Variants in ZFR observed in about 807,000 individuals in gnomAD.
The protein encoded by ZFR is zinc finger RNA-binding protein.
ZFR carries 19 observed loss-of-function variants against 130.7 expected under a neutral mutation model. That is an observed-to-expected ratio of 0.15 (90% CI 0.10 to 0.21). The LOEUF is 0.21. ZFR is among the 10% of genes least tolerant of loss of function. ZFR has a pLI of 1.00. For synonymous variants in ZFR, 466 were observed against 456.9 expected (o/e 1.02, Z -0.25); for missense variants, 872 against 1,321.5 (o/e 0.66, Z 5.27).
chr5:32,443,724 G>A (rs1210084737), intron 2 of ZFR, among the ~76,000 whole-genome samples: 5 of 152,368 alleles, frequency 3.3e-5, no homozygotes, highest in Middle Eastern at 3.4e-3. Flanking sequence ...CGTTATCTGG[G>A]CTCCGGGGGT....
chr5:32,444,391 C>T (rs1412549973), intron 1 of ZFR, 63 bp from the exon 2 acceptor site: 1 of 1,497,060 alleles, frequency 6.7e-7, no homozygotes, highest in South Asian at 1.2e-5. Context: ...AGCCGAGACG[C>T]CGAGGGAGGG....
intron 2 of ZFR, among the ~76,000 whole-genome samples, chr5:32,422,813 A>AAAAAAAAAAAAAAAAAAAAAAAC (rs1753986276): frequency 6.7e-6 from 1 of 149,488 alleles, no homozygotes; most frequent in Non-Finnish European, 1.5e-5. Flanking sequence ...AAAAAAAAAA[A>AAAAAAAAAAAAAAAAAAAAAAAC]AAAAAAAAAG....
chr5:32,369,662 T>A (rs571336871), intron 17 of ZFR, among the ~76,000 whole-genome samples: 14 of 148,976 alleles, frequency 9.4e-5, no homozygotes, highest in African/African-American at 3.2e-4. Context: ...AAAAAAAAAA[T>A]GTAACCAGGC....
chr5:32,388,101 G>A (rs936695384), intron 13 of ZFR, among the ~76,000 whole-genome samples: 2 of 152,170 alleles, frequency 1.3e-5, no homozygotes, highest in Non-Finnish European at 2.9e-5. Flanking sequence ...TTTACAGTCA[G>A]TGCTTTAAGG....
At position 32,419,989 on chromosome 5, in the gene ZFR, G is replaced by T; in HGVS notation, c.252C>A (p.Ala84=). ...HTVTAAYAPA[A]ATVAVARPAP... Reference sequence around the variant, plus strand: ...CAGGCCTGGCAACTGCAACTGTGGCGGCTGCTGGTGCATAGGCAGCAGTAA... The same window carrying T: ...CAGGCCTGGCAACTGCAACTGTGGCTGCTGCTGGTGCATAGGCAGCAGTAA... Residue 84 remains alanine (A), a synonymous_variant, in exon 3 of 20, where the codon GCC becomes GCA. Coordinates refer to ENST00000265069, the MANE Select transcript of ZFR (RefSeq NM_016107.5). 1 of 1,613,878 alleles carries T rather than the reference G, an allele frequency of 6.2e-7. No homozygotes were observed. Among genetic ancestry groups the T allele is most frequent in the Non-Finnish European group, 8.5e-7 (1 of 1,180,014 alleles).
chr5:32,408,833 C>T (rs1753637318), intron 5 of ZFR, among the ~76,000 whole-genome samples: 1 of 152,176 alleles, frequency 6.6e-6, no homozygotes, highest in Non-Finnish European at 1.5e-5. Context: ...GTTTTCTTGT[C>T]TATTATCACA....
intron 9 of ZFR, among the ~76,000 whole-genome samples, 187 bp downstream of exon 9, chr5:32,399,817 AATC>A (rs1393470294): frequency 2.0e-5 from 3 of 152,238 alleles, no homozygotes. Flanking sequence ...GCAAAAAAAA[AATC>A]ATTATGATGT....
At chr5:32,400,228 A>C in intron 8 of ZFR, 25 bp from the exon 9 acceptor site, 1 of 1,518,648 alleles carries the variant, frequency 6.6e-7, no homozygotes, top group Admixed American at 2.2e-5. Flanking sequence ...AAAAGTTAAA[A>C]AAAATTTTAT....
intron 19 of ZFR, among the ~76,000 whole-genome samples, chr5:32,360,026 G>C (rs1021484149): frequency 6.6e-6 from 1 of 151,872 alleles, no homozygotes; most frequent in Non-Finnish European, 1.5e-5. Context: ...CCATGTGTAT[G>C]TAAGAATATC....
intron 8 of ZFR, among the ~76,000 whole-genome samples, chr5:32,402,565 G>T (rs937174409): frequency 6.6e-6 from 1 of 150,558 alleles, no homozygotes; most frequent in Non-Finnish European, 1.5e-5. Flanking sequence ...AGGAGAATTC[G>T]AGATCAGTCT....
intron 11 of ZFR, among the ~76,000 whole-genome samples, chr5:32,392,348 A>C (rs984828668): frequency 1.3e-5 from 2 of 152,220 alleles, no homozygotes; most frequent in Non-Finnish European, 2.9e-5. Flanking sequence ...GAGAATTCCC[A>C]ATATGTTACA....
intron 2 of ZFR, among the ~76,000 whole-genome samples, chr5:32,422,946 G>A (rs1393269400): frequency 6.6e-6 from 1 of 151,464 alleles, no homozygotes; most frequent in Non-Finnish European, 1.5e-5. Context: ...TCTTACTCAA[G>A]AAATGGCCAG....
At chr5:32,441,895 C>A (rs1561934307) in intron 2 of ZFR, among the ~76,000 whole-genome samples, 2 of 151,998 alleles carry the variant, frequency 1.3e-5, no homozygotes, top group African/African-American at 4.8e-5. Context: ...CAGATGTACA[C>A]TTAATCAATT....
intron 2 of ZFR, among the ~76,000 whole-genome samples, chr5:32,426,231 A>G (rs1341796118): frequency 6.6e-6 from 1 of 152,202 alleles, no homozygotes; most frequent in African/African-American, 2.4e-5. Context: ...TAACCATCAC[A>G]TCTACTCTCT....
At chr5:32,393,241 T>C (rs1348445072) in intron 11 of ZFR, among the ~76,000 whole-genome samples, 1 of 152,218 alleles carries the variant, frequency 6.6e-6, no homozygotes, top group Non-Finnish European at 1.5e-5. Context: ...TGATTAAATA[T>C]ATCGTGTAAT....
chr5:32,417,123 A>ACTCT (rs1753846396), intron 4 of ZFR, among the ~76,000 whole-genome samples: 1 of 123,652 alleles, frequency 8.1e-6, no homozygotes, highest in African/African-American at 3.3e-5. Flanking sequence ...TCTCTCTCTA[A>ACTCT]AAAAAAAAAA....
chr5:32,408,884 T>C (rs16889711), intron 5 of ZFR, among the ~76,000 whole-genome samples: 1,524 of 152,332 alleles, frequency 0.01, 29 homozygotes, highest in African/African-American at 0.034. Context: ...TAGCCTAACA[T>C]AAAAGTCTAA....
At chr5:32,359,869 G>C (rs13186757) in intron 19 of ZFR, among the ~76,000 whole-genome samples, 44,286 of 151,424 alleles carry the variant, frequency 0.29, 7,189 homozygotes, top group Middle Eastern at 0.44. Flanking sequence ...AAAATCGCTT[G>C]AACTCAGGAG....
intron 3 of ZFR, among the ~76,000 whole-genome samples, chr5:32,419,291 T>A (rs532506532): frequency 6.6e-6 from 1 of 152,222 alleles, no homozygotes; most frequent in South Asian, 2.1e-4. Flanking sequence ...TAGAGTCAAA[T>A]GGACGGGGGG....
Sources: allele counts gnomAD v4.1 joint callset (sites outside exome capture counted in the v4.1 genomes callset), GRCh38; gene constraint gnomAD v4.1.1; transcripts MANE v1.5; gene names NCBI Gene and HGNC (gene_info 2026-07-23, HGNC 2026-07-21).